Variants in SUCLG2 observed in about 807,000 individuals in gnomAD.
The protein encoded by SUCLG2 is succinate-CoA ligase GDP-forming subunit beta.
In SUCLG2, 42 loss-of-function variants were observed where a neutral mutation model predicts 47.9. The observed-to-expected ratio is 0.88, with a 90% CI of 0.69 to 1.14. The LOEUF is 1.14. Among genes scored for constraint, SUCLG2 ranks in the 50% most tolerant of loss-of-function variants. SUCLG2 has a pLI of 0.00. For missense variants in SUCLG2, 571 were observed against 525.9 expected (o/e 1.09, Z -0.84); for synonymous variants, 195 against 197.3 (o/e 0.99, Z 0.10).
intron 4 of SUCLG2, among the ~76,000 whole-genome samples, chr3:67,527,379 T>C (rs1219487890): frequency 1.3e-5 from 2 of 152,382 alleles, no homozygotes; most frequent in East Asian, 3.9e-4. Flanking sequence ...ATTTAATGTT[T>C]AGCTATAGCT....
At chr3:67,518,507 G>A (rs554491132) in intron 5 of SUCLG2, among the ~76,000 whole-genome samples, 171 bp from the exon 6 acceptor site, 34 of 152,328 alleles carry the variant, frequency 2.2e-4, no homozygotes, top group Admixed American at 6.5e-4. Flanking sequence ...GTTTTAATTA[G>A]CAGACCATCT....
rs140440357 is a variant in SUCLG2, at chr3:67,597,855, T to C, written c.226+11600A>G. On this transcript the variant is annotated intron_variant, in intron 2 of 10. Coordinates refer to ENST00000307227, the MANE Select transcript of SUCLG2 (RefSeq NM_003848.4). The stretch of plus-strand genomic sequence containing the variant: ...CCGGAGGCTGAGGGAGGAGAATCGC[T>C]TGAACCTGGGAGGCAGAGGTTGCAG... 6.8e-3 allele frequency among the ~76,000 whole-genome samples: 1,036 copies of C among 152,070 alleles called. 13 individuals are homozygous for C. The highest frequency in any genetic ancestry group is 0.024 in the African/African-American group (983 of 41,502).
At chr3:67,528,993 C>T in intron 3 of SUCLG2, 94 bp downstream of exon 3, 2 of 1,096,192 alleles carry the variant, frequency 1.8e-6, no homozygotes, top group Non-Finnish European at 1.3e-6. Context: ...GCTCCTACCC[C>T]ACCACAACCA....
Position 67,446,254 on chromosome 3 carries a change from A to G in SUCLG2, c.1063-45403T>C, listed in dbSNP as rs1253217523. On this transcript the variant is annotated intron_variant, in intron 9 of 10. Coordinates refer to ENST00000307227, the MANE Select transcript of SUCLG2 (RefSeq NM_003848.4). ...GATTTGGAAGTGAATGCCTAAGTAA[A>G]AAGGATAATTTAGGCAATCACTTCA... Among the ~76,000 whole-genome samples, 9 of 55,758 alleles carry G rather than the reference A, an allele frequency of 1.6e-4. 4 individuals are homozygous for G. The East Asian group carries it at 4.9e-3, about 30-fold the overall frequency. The allele number at this position is 55,758 out of a possible 152,430, so 36.6% of individuals were successfully genotyped here. A position where few individuals can be genotyped will look rare whatever the true frequency, so the allele number is the denominator to read the frequency against.
At chr3:67,625,935 G>C (rs142029615) in intron 1 of SUCLG2, among the ~76,000 whole-genome samples, 1 of 152,014 alleles carries the variant, frequency 6.6e-6, no homozygotes, top group African/African-American at 2.4e-5. Flanking sequence ...AAGCAGATAA[G>C]AACTAGATTG....
chr3:67,437,650 T>G (rs1334810674), intron 9 of SUCLG2, among the ~76,000 whole-genome samples: 1 of 152,148 alleles, frequency 6.6e-6, no homozygotes, highest in Non-Finnish European at 1.5e-5. Flanking sequence ...TTCTATTTTT[T>G]TTTAAAAGAA....
At chr3:67,390,650 G>A (rs1421285451) in intron 10 of SUCLG2, among the ~76,000 whole-genome samples, 2 of 142,468 alleles carry the variant, frequency 1.4e-5, no homozygotes, top group African/African-American at 2.7e-5. Context: ...TCTGAAATGA[G>A]GGTTTTTTTT....
At chr3:67,625,187 T>C (rs1700804845) in intron 1 of SUCLG2, among the ~76,000 whole-genome samples, 1 of 152,182 alleles carries the variant, frequency 6.6e-6, no homozygotes, top group Non-Finnish European at 1.5e-5. Context: ...TATGCTGTAA[T>C]GTCAAGATGA....
rs1405713335 is a variant in SUCLG2 at position 67,375,000 on chromosome 3, G to C, written c.*744C>G. 9.1e-6 allele frequency: 9 copies of C among 985,566 alleles called. No individual in the cohort carries two copies. In the South Asian group the frequency reaches 3.8e-4, roughly 41 times the overall value. The allele number at this position is 985,566 out of a possible 1,614,324, so 61.1% of individuals were successfully genotyped here. A position where few individuals can be genotyped will look rare whatever the true frequency, so the allele number is the denominator to read the frequency against. ...ATCTTAATAACAGAGATTTCCATAA[G>C]AATCAGGATTCATTTTTGACACAAA... On this transcript the variant is annotated 3_prime_UTR_variant, in exon 11 of 11. Transcript: ENST00000307227.
intron 5 of SUCLG2, 129 bp downstream of exon 5, chr3:67,520,353 C>T (rs1706062355): frequency 3.7e-6 from 5 of 1,339,274 alleles, no homozygotes; most frequent in Non-Finnish European, 5.2e-6. Flanking sequence ...AGAAAAAGGG[C>T]TCAGCATCTT....
chr3:67,652,384 A>G (rs1163854672), intron 1 of SUCLG2, among the ~76,000 whole-genome samples: 1 of 152,248 alleles, frequency 6.6e-6, no homozygotes, highest in Non-Finnish European at 1.5e-5. Context: ...GAGTGGCAAC[A>G]GATTTCTGAG....
intron 2 of SUCLG2, among the ~76,000 whole-genome samples, chr3:67,578,427 T>C (rs914646927): frequency 1.3e-5 from 2 of 152,010 alleles, no homozygotes; most frequent in Non-Finnish European, 2.9e-5. Context: ...AAAATAATTA[T>C]GAGAATTTAT....
At chr3:67,365,306 G>A (rs756022287) in intron 10 of SUCLG2, among the ~76,000 whole-genome samples, 5 of 152,116 alleles carry the variant, frequency 3.3e-5, no homozygotes, top group Non-Finnish European at 7.4e-5. Flanking sequence ...GAAGCTGAAC[G>A]AAACTCACGA....
intron 2 of SUCLG2, among the ~76,000 whole-genome samples, chr3:67,543,568 G>C (rs1189904023): frequency 6.6e-6 from 1 of 152,170 alleles, no homozygotes; most frequent in Non-Finnish European, 1.5e-5. Flanking sequence ...AGGAGGCTGA[G>C]GTGGGAGGAT....
intron 1 of SUCLG2, among the ~76,000 whole-genome samples, chr3:67,649,551 C>CCAT: frequency 6.6e-6 from 1 of 150,474 alleles, no homozygotes; most frequent in South Asian, 2.1e-4. Context: ...CTGCTATCCA[C>CCAT]CTCTCCCTTC....
intron 9 of SUCLG2, among the ~76,000 whole-genome samples, chr3:67,425,941 G>A (rs891339157): frequency 4.6e-5 from 7 of 152,136 alleles, no homozygotes; most frequent in African/African-American, 1.7e-4. Flanking sequence ...AGCTCAAAAG[G>A]ATTTTAATGT....
chr3:67,477,710 C>G (rs563045373), intron 9 of SUCLG2, among the ~76,000 whole-genome samples: 6 of 152,112 alleles, frequency 3.9e-5, no homozygotes, highest in Admixed American at 1.3e-4. Flanking sequence ...AGAAAGAAAA[C>G]TAGTGGAGGT....
intron 9 of SUCLG2, among the ~76,000 whole-genome samples, chr3:67,478,199 C>T (rs1412011602): frequency 6.6e-6 from 1 of 152,176 alleles, no homozygotes; most frequent in Non-Finnish European, 1.5e-5. Flanking sequence ...TATAAATGAC[C>T]ACAATACCCA....
chr3:67,545,150 T>C (rs1706830701), intron 2 of SUCLG2, among the ~76,000 whole-genome samples: 1 of 152,166 alleles, frequency 6.6e-6, no homozygotes, highest in African/African-American at 2.4e-5. Context: ...TAATAAAGTA[T>C]ACGCTCCCCT....
Sources: gnomAD v4.1 joint callset for allele counts (sites outside exome capture counted in the v4.1 genomes callset) on GRCh38, gnomAD v4.1.1 for gene constraint, MANE v1.5 for transcripts, NCBI Gene and HGNC (gene_info 2026-07-23, HGNC 2026-07-21) for gene names.